Variants in AGBL4 observed in about 807,000 individuals in gnomAD.
AGBL4 encodes cytosolic carboxypeptidase 6.
In AGBL4, 58 loss-of-function variants were observed where a neutral mutation model predicts 66.4. The observed-to-expected ratio is 0.87, with a 90% CI of 0.71 to 1.09. AGBL4 has a LOEUF of 1.09. Ranked by LOEUF, AGBL4 falls within the 50% of genes least tolerant of loss-of-function variation. AGBL4 has a pLI of 0.00. For missense variants in AGBL4, 579 were observed against 631.0 expected (o/e 0.92, Z 0.88); for synonymous variants, 234 against 222.9 (o/e 1.05, Z -0.44).
At chr1:49,234,749 C>A (rs1031702338) in intron 4 of AGBL4, among the ~76,000 whole-genome samples, 1 of 152,098 alleles carries the variant, frequency 6.6e-6, no homozygotes, top group Admixed American at 6.6e-5. Flanking sequence ...AAAACTAAAG[C>A]CTTTACTTCT....
intron 3 of AGBL4, among the ~76,000 whole-genome samples, chr1:49,329,262 G>A (rs895195357): frequency 1.3e-5 from 2 of 152,064 alleles, no homozygotes; most frequent in Non-Finnish European, 1.5e-5. Context: ...AGCCAAGATC[G>A]CACCATTGCA....
intron 3 of AGBL4, among the ~76,000 whole-genome samples, chr1:49,696,335 T>C (rs1158752228): frequency 1.3e-5 from 2 of 152,048 alleles, no homozygotes; most frequent in Non-Finnish European, 2.9e-5. Flanking sequence ...TCATGAAAAA[T>C]AGGATTCGAA....
chr1:49,065,620 T>A (rs1477942450), intron 4 of AGBL4, among the ~76,000 whole-genome samples: 1 of 152,134 alleles, frequency 6.6e-6, no homozygotes, highest in Non-Finnish European at 1.5e-5. Flanking sequence ...TATGCTCTAC[T>A]TTCTCCAAAG....
intron 3 of AGBL4, among the ~76,000 whole-genome samples, chr1:49,455,063 T>C (rs1008456324): frequency 2.0e-5 from 3 of 151,704 alleles, no homozygotes; most frequent in African/African-American, 7.2e-5. Flanking sequence ...ATCATCTAGC[T>C]AAAAGGTGGT....
At chr1:49,337,664 G>A (rs1645464418) in intron 3 of AGBL4, among the ~76,000 whole-genome samples, 1 of 152,088 alleles carries the variant, frequency 6.6e-6, no homozygotes, top group African/African-American at 2.4e-5. Context: ...AATCCCCCAG[G>A]GCAGCAACTA....
chr1:49,708,664 A>C (rs547992108), intron 2 of AGBL4, among the ~76,000 whole-genome samples: 2 of 152,088 alleles, frequency 1.3e-5, no homozygotes, highest in South Asian at 4.2e-4. Context: ...GCCTTTTTGC[A>C]CTGGTTTTTC....
chr1:49,529,662 G>A (rs780410509), intron 3 of AGBL4, among the ~76,000 whole-genome samples: 12 of 152,160 alleles, frequency 7.9e-5, no homozygotes, highest in East Asian at 1.9e-4. Flanking sequence ...GGACAACAGC[G>A]CAAGACCCTG....
chr1:49,974,719 T>C (rs1571992234), intron 1 of AGBL4, among the ~76,000 whole-genome samples: 1 of 152,308 alleles, frequency 6.6e-6, no homozygotes, highest in African/African-American at 2.4e-5. Context: ...CTAACAGGTT[T>C]TCTCCTAGAA....
intron 4 of AGBL4, among the ~76,000 whole-genome samples, chr1:49,130,780 T>C (rs1645875821): frequency 6.6e-6 from 1 of 152,130 alleles, no homozygotes; most frequent in African/African-American, 2.4e-5. Flanking sequence ...TGGCTTAGGA[T>C]TGACTTGGCG....
chr1:48,920,305 A>T (rs569002105), intron 5 of AGBL4, among the ~76,000 whole-genome samples: 2 of 152,272 alleles, frequency 1.3e-5, no homozygotes, highest in East Asian at 3.9e-4. Flanking sequence ...TGATCCATAA[A>T]TTCCCTCCTA....
chr1:49,078,257 T>C (rs1644746867), intron 4 of AGBL4, among the ~76,000 whole-genome samples: 1 of 152,172 alleles, frequency 6.6e-6, no homozygotes, highest in African/African-American at 2.4e-5. Flanking sequence ...TCCTATCTCA[T>C]GCTGTAATCC....
intron 3 of AGBL4, among the ~76,000 whole-genome samples, chr1:49,489,993 T>C (rs1647154744): frequency 6.6e-6 from 1 of 151,842 alleles, no homozygotes; most frequent in South Asian, 2.1e-4. Context: ...GAAATAATTT[T>C]GTTTCTATTT....
intron 6 of AGBL4, among the ~76,000 whole-genome samples, chr1:48,664,975 T>C (rs1646163108): frequency 6.6e-6 from 1 of 152,230 alleles, no homozygotes; most frequent in African/African-American, 2.4e-5. Flanking sequence ...CCTTCTGAAA[T>C]GCTGGAGACA....
chr1:49,242,938 T>C (rs2148323355), intron 4 of AGBL4, among the ~76,000 whole-genome samples: 1 of 151,780 alleles, frequency 6.6e-6, no homozygotes, highest in East Asian at 1.9e-4. Context: ...CCTTGGTACC[T>C]GTTACAGCCC....
chr1:49,598,861 T>C (rs1644901079), intron 3 of AGBL4, among the ~76,000 whole-genome samples: 1 of 152,194 alleles, frequency 6.6e-6, no homozygotes. Flanking sequence ...GAGATAATCA[T>C]GTGGTTTTTG....
chr1:48,796,296 G>T (rs1434235761), intron 6 of AGBL4, among the ~76,000 whole-genome samples: 1 of 152,134 alleles, frequency 6.6e-6, no homozygotes, highest in Non-Finnish European at 1.5e-5. Context: ...TCTCACCTCT[G>T]CATTAATATT....
Position 49,363,737 on chromosome 1 carries a change from T to C in AGBL4, c.283-117873A>G, listed in dbSNP as rs576949649. On this transcript the variant is annotated intron_variant, in intron 3 of 13. Coordinates refer to ENST00000371839, the MANE Select transcript of AGBL4 (RefSeq NM_032785.4). ...CCATCACATTCTCTACAATGTTGGA[T>C]AGAACTCTCCTGAACAATTATTCTC... 1.9e-4 allele frequency among the ~76,000 whole-genome samples: 29 copies of C among 152,300 alleles called. 1 individual carries two copies. The South Asian group carries it at 5.8e-3, about 30-fold the overall frequency.
intron 5 of AGBL4, among the ~76,000 whole-genome samples, chr1:49,037,089 G>T (rs1232701033): frequency 6.6e-6 from 1 of 151,986 alleles, no homozygotes; most frequent in African/African-American, 2.4e-5. Flanking sequence ...GAAAAAAGAA[G>T]ATGCTGGTTT....
intron 3 of AGBL4, among the ~76,000 whole-genome samples, chr1:49,615,297 C>G (rs1325063288): frequency 6.6e-6 from 1 of 152,054 alleles, no homozygotes; most frequent in Admixed American, 6.5e-5. Context: ...GAACAGAAAA[C>G]TCAGCTAGAA....
Sources: allele counts gnomAD v4.1 joint callset (sites outside exome capture counted in the v4.1 genomes callset), GRCh38; gene constraint gnomAD v4.1.1; transcripts MANE v1.5; gene names NCBI Gene and HGNC (gene_info 2026-07-23, HGNC 2026-07-21).